The following CUL5 variants were observed in gnomAD, a reference collection of about 807,000 sequenced individuals.
The protein encoded by CUL5 is cullin 5.
A neutral mutation model predicts 108.8 loss-of-function variants in CUL5; 26 were observed. That is an observed-to-expected ratio of 0.24 (90% CI 0.18 to 0.33). The LOEUF (loss-of-function observed/expected upper bound fraction) is 0.33, where lower values mean the gene tolerates loss of function less well. CUL5 is among the 10% of genes least tolerant of loss of function. The pLI, the probability that CUL5 is intolerant of heterozygous loss-of-function variation, is 1.00. For missense variants in CUL5, 524 were observed against 909.2 expected, an observed-to-expected ratio of 0.58 and a Z score of 5.45; for synonymous variants, 334 against 298.0, an observed-to-expected ratio of 1.12 and a Z score of -1.25.
chr11:108,072,710 C>A (rs1488194509), intron 9 of CUL5, among the ~76,000 whole-genome samples: 1 of 151,776 alleles, frequency 6.6e-6, no homozygotes, highest in Non-Finnish European at 1.5e-5. Context: ...TATGTTGTTA[C>A]CACAAAGAAA....
intron 1 of CUL5, among the ~76,000 whole-genome samples, chr11:108,015,346 T>C (rs1356281838): frequency 6.6e-6 from 1 of 152,244 alleles, no homozygotes; most frequent in East Asian, 1.9e-4. Context: ...GTCAGGATCA[T>C]GCTTGGCAAG....
At position 108,105,041 on chromosome 11, in the gene CUL5, A is replaced by G. The variant is rs1228903299; in HGVS notation, c.*657A>G. 6.6e-6 allele frequency: 1 copy of G among 152,044 alleles called. No homozygotes were observed. The highest frequency in any genetic ancestry group is 6.6e-5 in the Admixed American group (1 of 15,214). The allele number at this position is 152,044 out of a possible 1,614,324, so 9.4% of individuals were successfully genotyped here. On this transcript the variant is annotated 3_prime_UTR_variant, in exon 19 of 19. Transcript: ENST00000393094. Reference sequence around the variant, plus strand: ...GGTTTTCTTTAAGCAGGAGACTGCTATTTTAGTTGTTGTTAAATGATGAGG... The same window carrying G: ...GGTTTTCTTTAAGCAGGAGACTGCTGTTTTAGTTGTTGTTAAATGATGAGG...
chr11:108,057,955 A>G (rs1259524481), intron 7 of CUL5, among the ~76,000 whole-genome samples: 1 of 152,136 alleles, frequency 6.6e-6, no homozygotes, highest in East Asian at 1.9e-4. Flanking sequence ...TCACGCCTGT[A>G]ATCCCAGCAC....
chr11:108,054,938 T>C lies in CUL5; in HGVS notation c.763T>C (p.Cys255Arg). 6.2e-7 allele frequency: 1 copy of C among 1,605,458 alleles called. No individual in the cohort carries two copies. Among genetic ancestry groups the C allele is most frequent in the Non-Finnish European group, 8.5e-7 (1 of 1,177,238 alleles). Reference protein sequence around the residue: ...ALRYLETRRECNSVEALMECC... With the variant: ...ALRYLETRRERNSVEALMECC... ...ACGTTATTTAGAAACAAGACGAGAATGTAACTCCGTTGAAGCAGTAAGTAA... is the reference window on the plus strand; with the variant it reads ...ACGTTATTTAGAAACAAGACGAGAACGTAACTCCGTTGAAGCAGTAAGTAA... Residue 255 changes from cysteine to arginine, a missense_variant, in exon 7 of 19, where the codon TGT (cysteine) becomes CGT (arginine). Cys to Arg is a radical substitution (Grantham distance 180, BLOSUM62 -3). Around this residue, in one of 8 missense-constraint regions of CUL5, gnomAD observed 170 missense variants for 305.1 expected, o/e 0.56. Transcript: ENST00000393094.
chr11:108,049,828 T>TTC, intron 3 of CUL5, 62 bp from the exon 4 acceptor site: 1 of 1,329,004 alleles, frequency 7.5e-7, no homozygotes, highest in Admixed American at 2.3e-5. Context: ...TTGGCATGAA[T>TTC]ATGTTCTTAA....
intron 13 of CUL5, among the ~76,000 whole-genome samples, chr11:108,093,020 T>G (rs909551153): frequency 1.3e-5 from 2 of 152,108 alleles, no homozygotes; most frequent in African/African-American, 4.8e-5. Flanking sequence ...TTCACCATGT[T>G]AGCCAGGCTG....
chr11:108,030,063 C>A (rs1338999998), intron 1 of CUL5, among the ~76,000 whole-genome samples: 1 of 152,096 alleles, frequency 6.6e-6, no homozygotes. Context: ...ACACCTCTTC[C>A]TCATAGGGAA....
intron 18 of CUL5, among the ~76,000 whole-genome samples, chr11:108,100,939 G>T (rs948265647): frequency 5.3e-5 from 8 of 152,152 alleles, no homozygotes; most frequent in African/African-American, 1.9e-4. Context: ...TGAGGCAGGG[G>T]AATGGCTTGA....
intron 13 of CUL5, among the ~76,000 whole-genome samples, chr11:108,093,723 T>C (rs1864415192): frequency 6.6e-6 from 1 of 152,232 alleles, no homozygotes; most frequent in Non-Finnish European, 1.5e-5. Flanking sequence ...TATTTAATTT[T>C]TTCAAGCAAC....
intron 7 of CUL5, among the ~76,000 whole-genome samples, chr11:108,058,374 G>A (rs1183154986): frequency 2.1e-5 from 3 of 141,866 alleles, no homozygotes; most frequent in Admixed American, 7.3e-5. Flanking sequence ...TCAGCCTCCC[G>A]AGTAGCTGGG....
Position 108,105,599 on chromosome 11 carries a change from C to CGATA in CUL5, c.*1215_*1216insGATA, listed in dbSNP as rs1305886697. 6.6e-6 allele frequency: 1 copy of CGATA among 152,110 alleles called. No homozygotes were observed. Among genetic ancestry groups the CGATA allele is most frequent in the Admixed American group, 6.6e-5 (1 of 15,256 alleles). The allele number at this position is 152,110 out of a possible 1,614,324, so 9.4% of individuals were successfully genotyped here. On this transcript the variant is annotated 3_prime_UTR_variant, in exon 19 of 19. Coordinates refer to ENST00000393094, the MANE Select transcript of CUL5 (RefSeq NM_003478.6). ...CAACATTTACCATGTTCCTTTCAGT[C>CGATA]TATCCAAAGTAGCAACTTAACTAGT...
chr11:108,051,143 A>T (rs1389915732), intron 4 of CUL5, among the ~76,000 whole-genome samples: 1 of 152,236 alleles, frequency 6.6e-6, no homozygotes, highest in African/African-American at 2.4e-5. Context: ...GGGATACTGT[A>T]AATTTAGATA....
intron 18 of CUL5, among the ~76,000 whole-genome samples, chr11:108,102,138 C>G (rs968726667): frequency 1.3e-5 from 2 of 152,098 alleles, no homozygotes; most frequent in African/African-American, 4.8e-5. Context: ...TCTCCTGCCT[C>G]GGACTCCTGA....
rs1021938662 is a variant in CUL5, at chr11:108,075,192, A to AT, written c.1113+1709dup. Among the ~76,000 whole-genome samples the AT allele has an allele frequency of 5.5e-3, 805 of 146,376 alleles. 7 individuals are homozygous for AT. Among genetic ancestry groups the AT allele is most frequent in the African/African-American group, 0.015 (614 of 40,174 alleles). On this transcript the variant is annotated intron_variant, in intron 10 of 18. Coordinates refer to ENST00000393094, the MANE Select transcript of CUL5 (RefSeq NM_003478.6). ...AGAGGTGGTCAAAAGTAGTTCGATAATTTTTTTTTTTTTTAATGCAAGTAG... is the reference window on the plus strand; with the variant it reads ...AGAGGTGGTCAAAAGTAGTTCGATAATTTTTTTTTTTTTTTAATGCAAGTAG...
At chr11:108,041,972 T>C (rs1862929027) in intron 2 of CUL5, among the ~76,000 whole-genome samples, 2 of 152,180 alleles carry the variant, frequency 1.3e-5, no homozygotes, top group Admixed American at 1.3e-4. Context: ...TTAATACATG[T>C]TACTTTTGTT....
rs1431789514 is a variant in CUL5, at chr11:108,104,396, A to G, written c.*12A>G. ...TATATATGGCATAATTTTGAATATC[A>G]TGGACAATATTTAGAACCCAAATTT... On this transcript the variant is annotated 3_prime_UTR_variant, in exon 19 of 19. Coordinates refer to ENST00000393094, the MANE Select transcript of CUL5 (RefSeq NM_003478.6). 1 of 1,480,084 alleles carries G rather than the reference A, an allele frequency of 6.8e-7. No individual in the cohort carries two copies. The highest frequency in any genetic ancestry group is 9.0e-7 in the Non-Finnish European group (1 of 1,115,118). 91.7% of individuals were successfully genotyped at this position (1,480,084 alleles called of 1,614,324 possible). A position where few individuals can be genotyped will look rare whatever the true frequency, so the allele number is the denominator to read the frequency against.
At chr11:108,088,206 A>G (rs1433524184) in intron 11 of CUL5, among the ~76,000 whole-genome samples, 1 of 152,196 alleles carries the variant, frequency 6.6e-6, no homozygotes, top group East Asian at 1.9e-4. Flanking sequence ...TTTCTAAAGT[A>G]TTTTAACAGA....
chr11:108,060,828 CAAA>C (rs879814275), intron 7 of CUL5, among the ~76,000 whole-genome samples: 1 of 143,942 alleles, frequency 6.9e-6, no homozygotes, highest in South Asian at 2.2e-4. Flanking sequence ...GAAACTGTCT[CAAA>C]AAAAAAAAGA....
intron 18 of CUL5, among the ~76,000 whole-genome samples, chr11:108,101,450 T>C (rs1233304314): frequency 1.3e-5 from 2 of 152,260 alleles, no homozygotes; most frequent in African/African-American, 2.4e-5. Flanking sequence ...AAGGGCCCCA[T>C]GGCCTCTTCC....
Sources: allele counts gnomAD v4.1 joint callset (sites outside exome capture counted in the v4.1 genomes callset), GRCh38; gene constraint gnomAD v4.1.1; regional missense constraint gnomAD v4.1.1; transcripts MANE v1.5; gene names NCBI Gene and HGNC (gene_info 2026-07-23, HGNC 2026-07-21).